Variants in NT5DC1 observed in about 807,000 individuals in gnomAD.
NT5DC1 encodes the protein 5'-nucleotidase domain containing 1, also known as 5'-nucleotidase domain-containing protein 1.
Under a neutral mutation model 59.4 loss-of-function variants are expected in NT5DC1, and 42 were observed. That is an observed-to-expected ratio of 0.71 (90% CI 0.55 to 0.92). The LOEUF (loss-of-function observed/expected upper bound fraction) is 0.92. Among genes scored for constraint, NT5DC1 ranks in the 40% least tolerant of loss-of-function variants. The probability of loss-of-function intolerance (pLI) is 0.00; values close to 1 mark genes in which losing one functional copy is unlikely to be tolerated. For synonymous variants in NT5DC1, 172 were observed against 188.1 expected (o/e 0.91, Z 0.70); for missense variants, 501 against 537.1 (o/e 0.93, Z 0.66).
At chr6:116,115,395 CTATTT>C (rs1241315604) in intron 4 of NT5DC1, among the ~76,000 whole-genome samples, 1 of 152,104 alleles carries the variant, frequency 6.6e-6, no homozygotes, top group Non-Finnish European at 1.5e-5. Flanking sequence ...TTTTCATATT[CTATTT>C]TATTTTTTGC....
intron 6 of NT5DC1, among the ~76,000 whole-genome samples, chr6:116,178,771 G>T (rs1643903848): frequency 6.6e-6 from 1 of 152,202 alleles, no homozygotes; most frequent in Admixed American, 6.5e-5. Context: ...CATCTCAGAA[G>T]GGGAGGGGAA....
At chr6:116,115,194 A>T (rs752462637) in intron 4 of NT5DC1, among the ~76,000 whole-genome samples, 2 of 151,486 alleles carry the variant, frequency 1.3e-5, no homozygotes, top group Non-Finnish European at 2.9e-5. Context: ...GCATGATTAT[A>T]TTCTACTTAT....
chr6:116,216,026 C>T (rs778936904), intron 6 of NT5DC1, among the ~76,000 whole-genome samples: 15 of 152,088 alleles, frequency 9.9e-5, no homozygotes, highest in African/African-American at 1.9e-4. Flanking sequence ...CAGGAATCCT[C>T]CTTTCAAAGG....
At chr6:116,135,677 T>C (rs1339966976) in intron 6 of NT5DC1, among the ~76,000 whole-genome samples, 1 of 151,348 alleles carries the variant, frequency 6.6e-6, no homozygotes, top group Non-Finnish European at 1.5e-5. Flanking sequence ...TTTCCTGATA[T>C]ATATGCTGCT....
chr6:116,120,665 C>G lies in NT5DC1; in HGVS notation c.529+2720C>G. 6.5e-7 allele frequency: 1 copy of G among 1,545,782 alleles called. No individual in the cohort carries two copies. Among genetic ancestry groups the G allele is most frequent in the Admixed American group, 2.1e-5 (1 of 46,892 alleles). On this transcript the variant is annotated intron_variant, in intron 6 of 11. Coordinates refer to ENST00000319550, the MANE Select transcript of NT5DC1 (RefSeq NM_152729.3). ...TGGTGGCCCGGTGGGTCCATTGAGGCCCTTAGTTGCTATGCCAGCTGGGCC... is the reference window on the plus strand; with the variant it reads ...TGGTGGCCCGGTGGGTCCATTGAGGGCCTTAGTTGCTATGCCAGCTGGGCC...
chr6:116,171,756 GGAGCTGTGTT>G (rs1338771030), intron 6 of NT5DC1, among the ~76,000 whole-genome samples: 1 of 152,174 alleles, frequency 6.6e-6, no homozygotes, highest in Non-Finnish European at 1.5e-5. Flanking sequence ...TAAGAACAGT[GGAGCTGTGTT>G]GAGCAATTGG....
At chr6:116,116,252 T>C (rs1778960347) in intron 5 of NT5DC1, among the ~76,000 whole-genome samples, 1 of 152,228 alleles carries the variant, frequency 6.6e-6, no homozygotes, top group Admixed American at 6.5e-5. Flanking sequence ...TAAATAGATC[T>C]CTGGTTATAC....
chr6:116,209,490 C>T (rs1781528800), intron 6 of NT5DC1, among the ~76,000 whole-genome samples: 1 of 151,918 alleles, frequency 6.6e-6, no homozygotes, highest in African/African-American at 2.4e-5. Context: ...AAGAAAAATA[C>T]ATAAATATGC....
chr6:116,191,081 T>G (rs1288648351), intron 6 of NT5DC1, among the ~76,000 whole-genome samples: 1 of 151,990 alleles, frequency 6.6e-6, no homozygotes, highest in Non-Finnish European at 1.5e-5. Context: ...CACCCGAGTC[T>G]CTGAACTCCT....
chr6:116,161,260 A>G (rs950417597), intron 6 of NT5DC1, among the ~76,000 whole-genome samples: 3 of 151,516 alleles, frequency 2.0e-5, no homozygotes, highest in African/African-American at 7.3e-5. Flanking sequence ...GTTAGTGGGT[A>G]CAGTGCACCA....
At chr6:116,242,153 G>A (rs903338635) in intron 11 of NT5DC1, among the ~76,000 whole-genome samples, 1 of 150,640 alleles carries the variant, frequency 6.6e-6, no homozygotes, top group Non-Finnish European at 1.5e-5. Flanking sequence ...GGCGGATCAC[G>A]AGGTCAGGAG....
chr6:116,235,609 G>C (rs1410661107), intron 8 of NT5DC1, among the ~76,000 whole-genome samples: 1 of 152,180 alleles, frequency 6.6e-6, no homozygotes, highest in Admixed American at 6.5e-5. Flanking sequence ...ACTCATTTTT[G>C]TAGTAGAATG....
intron 6 of NT5DC1, among the ~76,000 whole-genome samples, chr6:116,178,656 A>C (rs1245326915): frequency 6.6e-6 from 1 of 152,246 alleles, no homozygotes; most frequent in African/African-American, 2.4e-5. Flanking sequence ...GTTTTGGTAA[A>C]GGCAATTTTA....
At chr6:116,226,235 AG>A (rs1276232645) in intron 8 of NT5DC1, among the ~76,000 whole-genome samples, 1 of 152,162 alleles carries the variant, frequency 6.6e-6, no homozygotes, top group Non-Finnish European at 1.5e-5. Context: ...TATATAAGTA[AG>A]TACCCAATAA....
intron 6 of NT5DC1, among the ~76,000 whole-genome samples, chr6:116,187,270 G>A (rs1781020815): frequency 6.6e-6 from 1 of 152,014 alleles, no homozygotes; most frequent in Admixed American, 6.6e-5. Context: ...AGGTAGCAGG[G>A]GAGCGAAGTG....
intron 6 of NT5DC1, among the ~76,000 whole-genome samples, chr6:116,174,246 C>T (rs1207845454): frequency 2.0e-5 from 3 of 152,104 alleles, no homozygotes; most frequent in Non-Finnish European, 4.4e-5. Flanking sequence ...TTTTTGAAAG[C>T]AAGTCACTAA....
At position 116,110,971 on chromosome 6, in the gene NT5DC1, A is replaced by G; in HGVS notation, c.364+15A>G. The G allele has an allele frequency of 6.6e-7, 1 of 1,524,292 alleles. No homozygotes were observed. 94.4% of individuals were successfully genotyped at this position (1,524,292 alleles called of 1,614,324 possible). A position where few individuals can be genotyped will look rare whatever the true frequency, so the allele number is the denominator to read the frequency against. ...TTGCCGCTCAGGTATGACTCAAATG[A>G]GGCAGCTCCACCATCCGCTCCCTGT... is the stretch of plus-strand genomic sequence containing the variant. On this transcript the variant is annotated intron_variant, in intron 4 of 11. Transcript: ENST00000319550.
At chr6:116,219,396 AAAGTTC>A (rs1393837133) in intron 6 of NT5DC1, among the ~76,000 whole-genome samples, 1 of 152,154 alleles carries the variant, frequency 6.6e-6, no homozygotes, top group Non-Finnish European at 1.5e-5. Flanking sequence ...ATCCTGCAGC[AAAGTTC>A]TCCTCAGGTC....
intron 6 of NT5DC1, among the ~76,000 whole-genome samples, chr6:116,123,924 TA>T (rs1271541767): frequency 6.6e-6 from 1 of 152,220 alleles, no homozygotes. Flanking sequence ...ATTAAGGTGT[TA>T]AAAAGTCTGA....
Sources: allele counts gnomAD v4.1 joint callset (sites outside exome capture counted in the v4.1 genomes callset), GRCh38; gene constraint gnomAD v4.1.1; transcripts MANE v1.5; gene names NCBI Gene and HGNC (gene_info 2026-07-23, HGNC 2026-07-21).